The following SIN3A variants were observed in gnomAD, a reference collection of about 807,000 sequenced individuals.
SIN3A encodes the protein SIN3 transcription regulator family member A.
SIN3A carries 14 observed loss-of-function variants against 146.1 expected under a neutral mutation model. That is an observed-to-expected ratio of 0.10 (90% CI 0.06 to 0.15). SIN3A has a LOEUF of 0.15. Ranked by LOEUF, SIN3A falls within the 10% of genes least tolerant of loss-of-function variation. The pLI is 1.00. For missense variants in SIN3A, 1,028 were observed against 1,576.0 expected, an observed-to-expected ratio of 0.65 and a Z score of 5.89; for synonymous variants, 572 against 572.0, an observed-to-expected ratio of 1.00 and a Z score of 0.00.
chr15:75,388,226 T>G (rs1156672395), intron 16 of SIN3A: 2 of 152,264 alleles, frequency 1.3e-5, no homozygotes, highest in African/African-American at 4.8e-5. Flanking sequence ...GCTGAGCTAT[T>G]CTATGGAAGA....
rs28620706 is a variant in SIN3A at position 75,424,494 on chromosome 15, G to A, written c.190-1671C>T. ...ATTTTTTTTCTTACCTTTTTATTGA[G>A]ACAGGGTCCCGCTCTCTCACCCAGG... On this transcript the variant is annotated intron_variant, in intron 2 of 20. Coordinates refer to ENST00000394947, the MANE Select transcript of SIN3A (RefSeq NM_001145358.2). Among the ~76,000 whole-genome samples, 412 of 152,120 alleles carry A rather than the reference G, an allele frequency of 2.7e-3. 1 individual carries two copies. Among genetic ancestry groups the A allele is most frequent in the African/African-American group, 9.5e-3 (396 of 41,502 alleles).
intron 9 of SIN3A, among the ~76,000 whole-genome samples, chr15:75,406,667 G>A (rs1304471930): frequency 3.3e-5 from 5 of 151,938 alleles, no homozygotes; most frequent in Admixed American, 2.6e-4. Context: ...CAGCCTGGGC[G>A]ACAGCGAGAC....
intron 1 of SIN3A, among the ~76,000 whole-genome samples, chr15:75,431,012 G>C (rs1020623255): frequency 8.5e-5 from 13 of 152,132 alleles, no homozygotes; most frequent in African/African-American, 3.1e-4. Context: ...TCCTGACCTT[G>C]TGATCCATCC....
intron 6 of SIN3A, among the ~76,000 whole-genome samples, chr15:75,411,095 A>G (rs7165292): frequency 0.6 from 90,906 of 151,792 alleles, 28,423 homozygotes; most frequent in African/African-American, 0.79. Context: ...TTGGGAGGCC[A>G]AGGTGGGCAG....
intron 3 of SIN3A, among the ~76,000 whole-genome samples, chr15:75,416,716 C>T (rs1263677001): frequency 6.6e-6 from 1 of 152,224 alleles, no homozygotes; most frequent in Non-Finnish European, 1.5e-5. Flanking sequence ...CCTGTTCTCC[C>T]TCCCCACCTT....
intron 12 of SIN3A, among the ~76,000 whole-genome samples, chr15:75,399,178 C>T (rs2073362530): frequency 6.6e-6 from 1 of 151,960 alleles, no homozygotes; most frequent in Non-Finnish European, 1.5e-5. Context: ...TGTGATTGTG[C>T]CACTGCACTG....
At chr15:75,446,823 G>A (rs1009684825) in intron 1 of SIN3A, among the ~76,000 whole-genome samples, 7 of 152,020 alleles carry the variant, frequency 4.6e-5, no homozygotes, top group African/African-American at 1.7e-4. Context: ...CCAGGCTAGA[G>A]TGCAGTGGCA....
intron 14 of SIN3A, 73 bp from the exon 15 acceptor site, chr15:75,392,888 C>G (rs2073233929): frequency 9.4e-7 from 1 of 1,062,262 alleles, no homozygotes; most frequent in Non-Finnish European, 1.4e-6. Flanking sequence ...ACCACATCAG[C>G]CATACATCCC....
chr15:75,417,056 T>C (rs1052257530), intron 3 of SIN3A, among the ~76,000 whole-genome samples: 2 of 151,760 alleles, frequency 1.3e-5, no homozygotes, highest in African/African-American at 4.8e-5. Context: ...TGGTAGCTCA[T>C]TGTTAAGGAT....
chr15:75,395,213 A>G (rs1265867913), intron 13 of SIN3A, among the ~76,000 whole-genome samples: 2 of 152,252 alleles, frequency 1.3e-5, no homozygotes, highest in Non-Finnish European at 2.9e-5. Context: ...CACAATGCTA[A>G]TAGAAACACA....
chr15:75,409,453 T>C (rs1012127810), intron 8 of SIN3A, among the ~76,000 whole-genome samples: 2 of 151,402 alleles, frequency 1.3e-5, no homozygotes, highest in Admixed American at 1.3e-4. Flanking sequence ...TAAGAACACA[T>C]GACTGCCGGG....
At chr15:75,378,809 G>C (rs2072912401) in intron 19 of SIN3A, among the ~76,000 whole-genome samples, 1 of 151,288 alleles carries the variant, frequency 6.6e-6, no homozygotes, top group Admixed American at 6.6e-5. Context: ...TAAAATATAA[G>C]CAATGCCACT....
chr15:75,427,394 G>T (rs2073943068), intron 2 of SIN3A, among the ~76,000 whole-genome samples: 1 of 152,018 alleles, frequency 6.6e-6, no homozygotes, highest in Non-Finnish European at 1.5e-5. Flanking sequence ...ATAAGGCCGG[G>T]TGCAGTGGCT....
At position 75,389,813 on chromosome 15, in the gene SIN3A, C is replaced by A. The variant is rs772059431; in HGVS notation, c.2860G>T (p.Asp954Tyr). Reference sequence around the variant, plus strand: ...AAAGCTGGGTAATAATCTTCTACATCAACATCCACTGTGGGAGAGATGGGA... The same window carrying A: ...AAAGCTGGGTAATAATCTTCTACATAAACATCCACTGTGGGAGAGATGGGA... ...QLRLKEPMDVDVEDYYPAFLD... is the reference protein window; with the variant it reads ...QLRLKEPMDVYVEDYYPAFLD... Residue 954 changes from aspartate (D) to tyrosine (Y), a missense_variant, in exon 16 of 21, where the codon GAT becomes TAT. Physicochemically the swap from Asp to Tyr is radical, Grantham distance 160. This residue lies in a region of SIN3A where 488 missense variants were observed against 690.2 expected (regional missense o/e 0.71). Transcript: ENST00000394947. 3 of 1,614,016 alleles carry A rather than the reference C, an allele frequency of 1.9e-6. No homozygotes were observed. The highest frequency in any genetic ancestry group is 2.5e-6 in the Non-Finnish European group (3 of 1,179,912).
intron 9 of SIN3A, among the ~76,000 whole-genome samples, chr15:75,404,911 A>T (rs1471496998): frequency 6.6e-6 from 1 of 151,790 alleles, no homozygotes; most frequent in Non-Finnish European, 1.5e-5. Flanking sequence ...GCTGAGGCCG[A>T]AGGAGGAGGA....
chr15:75,393,105 C>T (rs2073239380), intron 14 of SIN3A, among the ~76,000 whole-genome samples: 1 of 152,200 alleles, frequency 6.6e-6, no homozygotes, highest in South Asian at 2.1e-4. Flanking sequence ...TGGTAGGTGC[C>T]TGTAATCCCA....
chr15:75,378,861 A>T (rs1015775087), intron 19 of SIN3A, among the ~76,000 whole-genome samples: 14 of 148,526 alleles, frequency 9.4e-5, no homozygotes, highest in African/African-American at 3.5e-4. Flanking sequence ...TTCATTAAAA[A>T]ATATTATTTA....
At position 75,407,272 on chromosome 15, in the gene SIN3A, C is replaced by G. The variant is rs1298242427; in HGVS notation, c.1318-128G>C. ...TAATAATTTGAAACAAATGAGAGAA[C>G]TCTAACCAACTCACTCCATACCCTC... On this transcript the variant is annotated intron_variant, in intron 8 of 20. Transcript: ENST00000394947. 9 of 610,318 alleles carry G rather than the reference C, an allele frequency of 1.5e-5. No individual in the cohort carries two copies. The East Asian group carries it at 2.6e-4, about 17-fold the overall frequency. The allele number at this position is 610,318 out of a possible 1,614,324, so 37.8% of individuals were successfully genotyped here. A position where few individuals can be genotyped will look rare whatever the true frequency, so the allele number is the denominator to read the frequency against.
intron 1 of SIN3A, among the ~76,000 whole-genome samples, chr15:75,445,124 T>C (rs865839981): frequency 3.9e-5 from 6 of 152,086 alleles, no homozygotes; most frequent in Non-Finnish European, 8.8e-5. Context: ...CTCATGCCTG[T>C]AATCCCAGCA....
Sources: allele counts gnomAD v4.1 joint callset (sites outside exome capture counted in the v4.1 genomes callset), GRCh38; gene constraint gnomAD v4.1.1; regional missense constraint gnomAD v4.1.1; transcripts MANE v1.5; gene names NCBI Gene and HGNC (gene_info 2026-07-23, HGNC 2026-07-21).